LAMB4: variants seen among roughly 807,000 people sequenced by gnomAD.
The protein encoded by LAMB4 is laminin subunit beta 4, also known as laminin subunit beta-4.
LAMB4 carries 196 observed loss-of-function variants against 199.2 expected under a neutral mutation model. The ratio of observed to expected loss-of-function variants is 0.98; its 90% CI spans 0.88 to 1.11. LAMB4 has a LOEUF of 1.11. Ranked by LOEUF, LAMB4 falls within the 50% of genes least tolerant of loss-of-function variation. The pLI, the probability that LAMB4 is intolerant of heterozygous loss-of-function variation, is 0.00. For synonymous variants in LAMB4, 744 were observed against 770.6 expected (o/e 0.97, Z 0.57); for missense variants, 2,080 against 2,171.2 (o/e 0.96, Z 0.83).
chr7:108,060,925 A>C (rs1340174547), intron 23 of LAMB4, among the ~76,000 whole-genome samples: 3 of 152,232 alleles, frequency 2.0e-5, no homozygotes, highest in Non-Finnish European at 4.4e-5. Flanking sequence ...CAGTAGAAGA[A>C]GGAGGAAAAA....
chr7:108,100,744 TA>T (rs1245271601), intron 10 of LAMB4, among the ~76,000 whole-genome samples: 1 of 152,258 alleles, frequency 6.6e-6, no homozygotes, highest in African/African-American at 2.4e-5. Context: ...GAGAGCAATT[TA>T]ATCTTCTTTT....
At chr7:108,038,837 A>T (rs1354546958) in intron 29 of LAMB4, among the ~76,000 whole-genome samples, 2 of 152,216 alleles carry the variant, frequency 1.3e-5, no homozygotes, top group Non-Finnish European at 2.9e-5. Context: ...TACAATTCCC[A>T]TAGGGAAGCT....
Position 108,055,619 on chromosome 7 carries a change from G to A in LAMB4, c.3755+13C>T. The A allele has an allele frequency of 6.2e-7, 1 of 1,604,560 alleles. No individual in the cohort carries two copies. Among genetic ancestry groups the A allele is most frequent in the South Asian group, 1.1e-5 (1 of 88,914 alleles). ...AGGAGTTTGGCTGTCTGTTACTTGA[G>A]CATAAATCTTACCTAACAGAGTCAT... On this transcript the variant is annotated intron_variant, in intron 25 of 33. Transcript: ENST00000388781.
rs2037970273 is a variant in LAMB4, at chr7:108,105,467, G to A, written c.870+350C>T. Among the ~76,000 whole-genome samples, 3 of 152,200 alleles carry A rather than the reference G, an allele frequency of 2.0e-5. No homozygotes were observed. In the South Asian group the frequency reaches 6.2e-4, roughly 32 times the overall value. ...TTGGTTTTTGCAATTAAAAGTGTTG[G>A]CAAAAACAGCACTTTTGCACCAACC... On this transcript the variant is annotated intron_variant, in intron 8 of 33. Coordinates refer to ENST00000388781, the MANE Select transcript of LAMB4 (RefSeq NM_007356.3).
intron 9 of LAMB4, among the ~76,000 whole-genome samples, chr7:108,103,474 T>G (rs2037889137): frequency 6.6e-6 from 1 of 152,248 alleles, no homozygotes. Context: ...ATATGTAGTT[T>G]TTAAAAATCA....
chr7:108,056,004 C>T lies in LAMB4; in HGVS notation c.3383G>A (p.Cys1128Tyr). The T allele has an allele frequency of 6.2e-7, 1 of 1,602,070 alleles. No individual in the cohort carries two copies. The highest frequency in any genetic ancestry group is 1.1e-5 in the South Asian group (1 of 89,838). ...YGDPPGRCIP[C>Y]DCNRAGTQKP... ...CTGGGTACCTGCCCTGTTACAATCA[C>T]ATGCTAAAAAGGAAAACAGAAGGAG... is the stretch of plus-strand genomic sequence containing the variant. The change falls in exon 25 of 34, where the codon TGT becomes TAT. Residue 1128 changes from cysteine (C) to tyrosine (Y), a missense_variant. By Grantham distance (194) the Cys-to-Tyr change is radical. Transcript: ENST00000388781.
the LAMB4 span, among the ~76,000 whole-genome samples, chr7:108,017,132 T>C: frequency 1.9e-4 from 29 of 152,254 alleles, no homozygotes; most frequent in African/African-American, 6.5e-4. Flanking sequence ...GTGTAATACA[T>C]GTTGTGGCAA....
At chr7:108,082,115 G>T (rs972491182) in intron 14 of LAMB4, among the ~76,000 whole-genome samples, 2 of 152,144 alleles carry the variant, frequency 1.3e-5, no homozygotes, top group African/African-American at 4.8e-5. Flanking sequence ...TGGATCACGA[G>T]GTCAGGAGAT....
At chr7:108,058,367 C>T (rs1167861066) in intron 23 of LAMB4, among the ~76,000 whole-genome samples, 2 of 152,162 alleles carry the variant, frequency 1.3e-5, no homozygotes, top group Non-Finnish European at 2.9e-5. Context: ...ACTGGATTAG[C>T]GTTTTGCTCA....
rs750493689 is a variant in LAMB4, at chr7:108,062,982, T to C, written c.3074A>G (p.His1025Arg). ...LNQTCRRCSC[H>R]ASGVSPMECP... is the part of the protein sequence containing the mutation. ...CTCCATGGGACTCACGCCGGAAGCA[T>C]GGCAGGAGCATCCTGTGATGACAAA... The change falls in exon 23 of 34, where the codon CAT becomes CGT. Residue 1025 changes from histidine to arginine, a missense_variant. Transcript: ENST00000388781. 27 of 1,570,700 alleles carry C rather than the reference T, an allele frequency of 1.7e-5. No homozygotes were observed. The highest frequency in any genetic ancestry group is 1.7e-4 in the Middle Eastern group (1 of 5,888).
intron 26 of LAMB4, 140 bp from the exon 27 acceptor site, chr7:108,049,671 A>C (rs2035764522): frequency 1.8e-6 from 1 of 544,088 alleles, no homozygotes. Flanking sequence ...TCTTCCTTGA[A>C]TTTGCAATTG....
intron 12 of LAMB4, 72 bp downstream of exon 12, chr7:108,095,156 A>G: frequency 1.8e-6 from 2 of 1,102,466 alleles, no homozygotes; most frequent in Non-Finnish European, 2.7e-6. Context: ...TAGCAAAACC[A>G]AGTCTTACCT....
chr7:108,035,845 C>A (rs1439547144), intron 30 of LAMB4, among the ~76,000 whole-genome samples: 9 of 144,928 alleles, frequency 6.2e-5, no homozygotes, highest in Non-Finnish European at 1.3e-4. Context: ...TATTAAACAT[C>A]TTTTATCAAC....
At chr7:108,092,040 C>T (rs1384153521) in intron 13 of LAMB4, among the ~76,000 whole-genome samples, 1 of 151,000 alleles carries the variant, frequency 6.6e-6, no homozygotes, top group Non-Finnish European at 1.5e-5. Flanking sequence ...TAAAATCTGG[C>T]AAAAAGGGGG....
chr7:108,046,529 T>C lies in LAMB4; in HGVS notation c.4326+1379A>G, dbSNP rs529511910. Among the ~76,000 whole-genome samples, 14 of 152,166 alleles carry C rather than the reference T, an allele frequency of 9.2e-5. No individual in the cohort carries two copies. The South Asian group carries it at 2.5e-3, about 27-fold the overall frequency. On this transcript the variant is annotated intron_variant, in intron 28 of 33. Coordinates refer to ENST00000388781, the MANE Select transcript of LAMB4 (RefSeq NM_007356.3). The stretch of plus-strand genomic sequence containing the variant: ...TGCGTATTGTCAAAAAAGAAACAGA[T>C]TGGGGAGCACACCACTATCCTGTTT...
At chr7:108,110,271 T>C (rs1422459576) in intron 4 of LAMB4, among the ~76,000 whole-genome samples, 1 of 152,172 alleles carries the variant, frequency 6.6e-6, no homozygotes, top group Non-Finnish European at 1.5e-5. Flanking sequence ...TCAAGTGATC[T>C]GCCTATCTTG....
rs750361636 is a variant in LAMB4, at chr7:108,111,825, C to T, written c.314G>A (p.Trp105Ter). The change falls in exon 4 of 34, where the codon TGG (tryptophan) becomes TAG (stop). Residue 105 changes from tryptophan to a stop codon, truncating the protein, a stop_gained. Coordinates refer to ENST00000388781, the MANE Select transcript of LAMB4 (RefSeq NM_007356.3). LOFTEE classifies it high-confidence loss of function. ...TTAAATCATACCATTTTCAGATTGC[C>T]ACCATTTCTTTTCTCTGTCTGGTTC... is the stretch of plus-strand genomic sequence containing the variant. ...SFEPDREKKW[W>*]QSENGLDHVS... The T allele has an allele frequency of 4.3e-6, 7 of 1,611,142 alleles. No homozygotes were observed. The highest frequency in any genetic ancestry group is 1.7e-4 in the Middle Eastern group (1 of 6,048).
In LAMB4 at chr7:108,031,867, T is replaced by C. The variant is rs116774779; in HGVS notation, c.4819-888A>G. 4.6e-3 allele frequency among the ~76,000 whole-genome samples: 701 copies of C among 152,338 alleles called. 2 individuals carry two copies. Among genetic ancestry groups the C allele is most frequent in the African/African-American group, 0.016 (668 of 41,564 alleles). On this transcript the variant is annotated intron_variant, in intron 31 of 33. Transcript: ENST00000388781. ...GTAATAACACTTTATGCTTGTTTCT[T>C]ATTTCAGTGACCATATTGATCATAT...
chr7:108,068,559 G>T (rs1261842156), intron 18 of LAMB4, among the ~76,000 whole-genome samples: 1 of 152,086 alleles, frequency 6.6e-6, no homozygotes, highest in Non-Finnish European at 1.5e-5. Context: ...TGTTACTCAG[G>T]CTGGAGTGGT....
Sources: allele counts gnomAD v4.1 joint callset (sites outside exome capture counted in the v4.1 genomes callset), GRCh38; gene constraint gnomAD v4.1.1; transcripts MANE v1.5; gene names NCBI Gene and HGNC (gene_info 2026-07-23, HGNC 2026-07-21).